CLNK: variants seen among roughly 807,000 people sequenced by gnomAD.
CLNK encodes cytokine dependent hematopoietic cell linker.
CLNK carries 74 observed loss-of-function variants against 68.6 expected under a neutral mutation model. The ratio of observed to expected loss-of-function variants is 1.08; its 90% CI spans 0.89 to 1.31. CLNK has a LOEUF of 1.31. Ranked by LOEUF, CLNK falls within the 50% of genes most tolerant of loss-of-function variation. The pLI is 0.00. For synonymous variants in CLNK, 198 were observed against 172.2 expected (o/e 1.15, Z -1.17); for missense variants, 553 against 515.3 (o/e 1.07, Z -0.71).
At chr4:10,655,484 T>C (rs1723940313) in intron 2 of CLNK, among the ~76,000 whole-genome samples, 1 of 152,126 alleles carries the variant, frequency 6.6e-6, no homozygotes, top group Admixed American at 6.5e-5. Flanking sequence ...CAAGATATCA[T>C]GAGCTACAAC....
At chr4:10,595,514 C>T (rs140623439) in intron 3 of CLNK, among the ~76,000 whole-genome samples, 265 of 152,268 alleles carry the variant, frequency 1.7e-3, no homozygotes, top group African/African-American at 6.2e-3. Flanking sequence ...CTTGGAGATC[C>T]TCCCAGGCCG....
chr4:10,610,156 A>C (rs1167327656), intron 2 of CLNK, among the ~76,000 whole-genome samples: 1 of 135,896 alleles, frequency 7.4e-6, no homozygotes, highest in African/African-American at 2.8e-5. Flanking sequence ...TTCCGGGTTC[A>C]CGCCATTCTC....
In CLNK at chr4:10,525,926, T is replaced by C. The variant is rs866732495; in HGVS notation, c.650-4A>G. The C allele has an allele frequency of 1.9e-6, 3 of 1,540,950 alleles. No individual in the cohort carries two copies. Among genetic ancestry groups the C allele is most frequent in the Admixed American group, 1.9e-5 (1 of 51,552 alleles). ...GGCTTCCTCTGGTTATGAGGAACTA[T>C]ATAAAACAGTGACATAATTTGGTCA... On this transcript the variant is annotated splice_polypyrimidine_tract_variant and splice_region_variant and intron_variant, in intron 13 of 18. Coordinates refer to ENST00000226951, the MANE Select transcript of CLNK (RefSeq NM_052964.4).
the CLNK span, among the ~76,000 whole-genome samples, chr4:10,717,744 GC>G: frequency 6.6e-6 from 1 of 152,168 alleles, no homozygotes; most frequent in African/African-American, 2.4e-5. Flanking sequence ...GTGGAAACCA[GC>G]TAAAACACGA....
chr4:10,558,417 T>C lies in CLNK; in HGVS notation c.435A>G (p.Gln145=), dbSNP rs748095471. Residue 145 remains glutamine (Q), a synonymous_variant, in exon 8 of 19, where the codon CAA becomes CAG. Coordinates refer to ENST00000226951, the MANE Select transcript of CLNK (RefSeq NM_052964.4). ...DKPISKDVRS[Q]NIKGDASVRK... is the part of the protein sequence containing the mutation. ...TTAACATGACTTTACCTTTAATGTT[T>C]TGGCTTCTGACGTCCTTGGAAATGG... is the stretch of plus-strand genomic sequence containing the variant. 1 of 1,613,948 alleles carries C rather than the reference T, an allele frequency of 6.2e-7. No homozygotes were observed. The highest frequency in any genetic ancestry group is 2.2e-5 in the East Asian group (1 of 44,882).
chr4:10,636,212 A>G (rs1723081373), intron 2 of CLNK, among the ~76,000 whole-genome samples: 1 of 152,196 alleles, frequency 6.6e-6, no homozygotes. Flanking sequence ...AGTAATTAAG[A>G]TATAAGTTCC....
At chr4:10,706,733 TG>T in the CLNK span, among the ~76,000 whole-genome samples, 1 of 152,152 alleles carries the variant, frequency 6.6e-6, no homozygotes, top group African/African-American at 2.4e-5. Context: ...AAGTGAAGCG[TG>T]GGCCACTCAA....
chr4:10,734,577 C>T, the CLNK span, among the ~76,000 whole-genome samples: 1 of 152,208 alleles, frequency 6.6e-6, no homozygotes, highest in East Asian at 1.9e-4. Flanking sequence ...TGACTTGCAA[C>T]TGTATTCACC....
chr4:10,496,620 C>A (rs1716819210), intron 18 of CLNK, among the ~76,000 whole-genome samples: 2 of 152,112 alleles, frequency 1.3e-5, no homozygotes, highest in Admixed American at 6.5e-5. Flanking sequence ...TGAGGGATTG[C>A]TTGTATTTGC....
chr4:10,722,118 G>C, the CLNK span, among the ~76,000 whole-genome samples: 1 of 152,148 alleles, frequency 6.6e-6, no homozygotes, highest in Non-Finnish European at 1.5e-5. Context: ...AGGTTGCAGT[G>C]AGCCCTGATC....
chr4:10,507,625 G>A (rs1006134362), intron 17 of CLNK, among the ~76,000 whole-genome samples: 1 of 151,830 alleles, frequency 6.6e-6, no homozygotes, highest in East Asian at 1.9e-4. Context: ...CACCATGCCT[G>A]GCTAATTTTA....
chr4:10,537,666 T>C (rs1359899532), intron 11 of CLNK, among the ~76,000 whole-genome samples: 877 of 46,966 alleles, frequency 0.019, 7 homozygotes, highest in Admixed American at 0.045. Flanking sequence ...TTTCTTTCTT[T>C]CTTTCTTTCT....
At chr4:10,515,675 G>A (rs570815316) in intron 15 of CLNK, among the ~76,000 whole-genome samples, 1 of 152,284 alleles carries the variant, frequency 6.6e-6, no homozygotes, top group South Asian at 2.1e-4. Context: ...GAGGAATCTT[G>A]TATCTGCCAC....
chr4:10,552,348 A>C (rs768126400), intron 8 of CLNK, among the ~76,000 whole-genome samples: 10 of 152,190 alleles, frequency 6.6e-5, no homozygotes, highest in Non-Finnish European at 1.5e-4. Context: ...GGGGGACAAG[A>C]ACAGCCTGAG....
At chr4:10,549,317 C>T (rs1213583483) in intron 8 of CLNK, among the ~76,000 whole-genome samples, 4 of 152,182 alleles carry the variant, frequency 2.6e-5, no homozygotes, top group Non-Finnish European at 5.9e-5. Context: ...AACTTGTCTA[C>T]CATTATACAG....
chr4:10,661,138 C>T (rs999437812), intron 2 of CLNK, among the ~76,000 whole-genome samples: 11 of 152,196 alleles, frequency 7.2e-5, no homozygotes, highest in African/African-American at 2.6e-4. Flanking sequence ...TGAAGGTGCC[C>T]CTGGAGGTCG....
At chr4:10,639,254 C>A (rs1723216480) in intron 2 of CLNK, among the ~76,000 whole-genome samples, 1 of 152,228 alleles carries the variant, frequency 6.6e-6, no homozygotes, top group Non-Finnish European at 1.5e-5. Flanking sequence ...GTCTTTTACC[C>A]AGCCAGCCTC....
At chr4:10,689,035 G>A (rs1395698056), upstream of CLNK, among the ~76,000 whole-genome samples, 1 of 151,582 alleles carries the variant, frequency 6.6e-6, no homozygotes, top group Non-Finnish European at 1.5e-5. Flanking sequence ...CTAAAATTGA[G>A]GCAACGTGCT....
chr4:10,620,127 C>T (rs1218545140), intron 2 of CLNK, among the ~76,000 whole-genome samples: 1 of 152,176 alleles, frequency 6.6e-6, no homozygotes, highest in Admixed American at 6.5e-5. Flanking sequence ...CATGCGTCTC[C>T]TCTTAGACGC....
Sources: gnomAD v4.1 joint callset for allele counts (sites outside exome capture counted in the v4.1 genomes callset) on GRCh38, gnomAD v4.1.1 for gene constraint, MANE v1.5 for transcripts, NCBI Gene and HGNC (gene_info 2026-07-23, HGNC 2026-07-21) for gene names.